CACNA2D1: variants seen among roughly 807,000 people sequenced by gnomAD.
CACNA2D1 encodes the protein voltage-dependent calcium channel subunit alpha-2/delta-1.
Under a neutral mutation model 171.5 loss-of-function variants are expected in CACNA2D1, and 53 were observed. The ratio of observed to expected loss-of-function variants is 0.31; its 90% CI spans 0.25 to 0.39. The LOEUF (loss-of-function observed/expected upper bound fraction) is 0.39. CACNA2D1 is among the 10% of genes least tolerant of loss of function. CACNA2D1 has a pLI of 1.00. For missense variants in CACNA2D1, 903 were observed against 1,299.8 expected (o/e 0.69, Z 4.69); for synonymous variants, 442 against 443.1 (o/e 1.00, Z 0.03).
chr7:81,994,817 A>G lies in CACNA2D1; in HGVS notation c.1734+51T>C. 6.7e-6 allele frequency: 6 copies of G among 899,160 alleles called. No homozygotes were observed. In the South Asian group the frequency reaches 8.3e-5, roughly 12 times the overall value. 55.7% of individuals were successfully genotyped at this position (899,160 alleles called of 1,614,324 possible). A position where few individuals can be genotyped will look rare whatever the true frequency, so the allele number is the denominator to read the frequency against. ...AAAAAAGGACAAGTTACCAATATCA[A>G]TTATTCTTGATATAATTTTTATTTA... On this transcript the variant is annotated intron_variant, in intron 20 of 38. Coordinates refer to ENST00000356860, the MANE Select transcript of CACNA2D1 (RefSeq NM_000722.4).
At chr7:82,282,706 G>C (rs112005700) in intron 3 of CACNA2D1, among the ~76,000 whole-genome samples, 1 of 149,176 alleles carries the variant, frequency 6.7e-6, no homozygotes, top group Non-Finnish European at 1.5e-5. Flanking sequence ...GTAAAATGTG[G>C]GGGGGGGAAT....
At chr7:82,118,550 A>G (rs1430896133) in intron 5 of CACNA2D1, among the ~76,000 whole-genome samples, 1 of 152,150 alleles carries the variant, frequency 6.6e-6, no homozygotes, top group African/African-American at 2.4e-5. Context: ...GGTTTTTCCA[A>G]TAATACAATG....
chr7:82,358,299 C>T (rs1044804041), intron 1 of CACNA2D1, among the ~76,000 whole-genome samples: 11 of 152,104 alleles, frequency 7.2e-5, no homozygotes, highest in African/African-American at 2.2e-4. Flanking sequence ...CATGAAATTT[C>T]GCTAAATATG....
chr7:82,229,117 C>T, intron 3 of CACNA2D1, among the ~76,000 whole-genome samples: 1 of 152,120 alleles, frequency 6.6e-6, no homozygotes, highest in African/African-American at 2.4e-5. Context: ...CTCCACTTTA[C>T]ATAATGAATT....
intron 7 of CACNA2D1, among the ~76,000 whole-genome samples, chr7:82,071,043 A>C (rs1808258807): frequency 6.6e-6 from 1 of 152,200 alleles, no homozygotes; most frequent in South Asian, 2.1e-4. Flanking sequence ...GATGAAAAGA[A>C]CAACAACTAG....
intron 3 of CACNA2D1, among the ~76,000 whole-genome samples, chr7:82,319,283 T>C (rs1189581875): frequency 5.9e-5 from 9 of 152,178 alleles, no homozygotes; most frequent in Non-Finnish European, 1.2e-4. Context: ...TGAGAAATCA[T>C]GAGGATTAAT....
chr7:82,048,335 T>C (rs547562720), intron 10 of CACNA2D1, among the ~76,000 whole-genome samples: 3 of 152,292 alleles, frequency 2.0e-5, no homozygotes, highest in East Asian at 1.9e-4. Context: ...TTTTAAAATA[T>C]ATTTTAAAGT....
intron 3 of CACNA2D1, among the ~76,000 whole-genome samples, chr7:82,202,440 G>T (rs1449944857): frequency 6.6e-6 from 1 of 152,136 alleles, no homozygotes; most frequent in African/African-American, 2.4e-5. Flanking sequence ...AACATTGGTT[G>T]TGGTGGCCGG....
At chr7:82,335,776 G>A (rs1412368235) in intron 2 of CACNA2D1, among the ~76,000 whole-genome samples, 1 of 152,138 alleles carries the variant, frequency 6.6e-6, no homozygotes, top group African/African-American at 2.4e-5. Flanking sequence ...AGAGATGAAG[G>A]TCATTAAGGT....
chr7:82,170,253 A>AT (rs1392317856), intron 4 of CACNA2D1, among the ~76,000 whole-genome samples: 2 of 151,778 alleles, frequency 1.3e-5, no homozygotes, highest in African/African-American at 4.8e-5. Context: ...ATTTAATGCT[A>AT]TTTTTAATGT....
chr7:82,076,204 C>T (rs540860127), intron 7 of CACNA2D1, among the ~76,000 whole-genome samples: 243 of 152,224 alleles, frequency 1.6e-3, no homozygotes, highest in African/African-American at 5.6e-3. Context: ...CCTTCATAAT[C>T]ATGATGAAAT....
intron 3 of CACNA2D1, among the ~76,000 whole-genome samples, chr7:82,192,430 G>C (rs1798396234): frequency 6.7e-6 from 1 of 148,550 alleles, no homozygotes; most frequent in African/African-American, 2.5e-5. Flanking sequence ...ATGTCTATAT[G>C]TCTGTGTGTG....
intron 3 of CACNA2D1, among the ~76,000 whole-genome samples, chr7:82,292,001 G>GCACA (rs148233897): frequency 8.1e-5 from 12 of 148,276 alleles, no homozygotes; most frequent in Middle Eastern, 7.1e-3. Context: ...ACACATGCAC[G>GCACA]CACACACACA....
At chr7:81,982,180 A>G (rs1341241197) in intron 24 of CACNA2D1, among the ~76,000 whole-genome samples, 1 of 151,826 alleles carries the variant, frequency 6.6e-6, no homozygotes, top group African/African-American at 2.4e-5. Context: ...ATGAGGCAAG[A>G]GTGCAGTGGC....
chr7:82,098,012 G>C lies in CACNA2D1; in HGVS notation c.527-13112C>G, dbSNP rs962686338. Among the ~76,000 whole-genome samples the C allele has an allele frequency of 2.6e-5, 4 of 152,252 alleles. No homozygotes were observed. In the East Asian group the frequency reaches 7.7e-4, roughly 29 times the overall value. On this transcript the variant is annotated intron_variant, in intron 6 of 38. Coordinates refer to ENST00000356860, the MANE Select transcript of CACNA2D1 (RefSeq NM_000722.4). ...ATCTATAGTCCCAGCTACTTGGGAG[G>C]CTGAGGCAGGAGAATGACTTGAACC...
chr7:82,148,323 A>AG (rs1174925236), intron 4 of CACNA2D1, among the ~76,000 whole-genome samples: 7 of 150,700 alleles, frequency 4.6e-5, no homozygotes, highest in Non-Finnish European at 7.4e-5. Flanking sequence ...AGGCATAGTT[A>AG]GAAAAAAAAA....
chr7:82,162,693 A>G (rs1017413388), intron 4 of CACNA2D1, among the ~76,000 whole-genome samples: 13 of 151,968 alleles, frequency 8.6e-5, no homozygotes, highest in African/African-American at 3.1e-4. Context: ...ACTTAGAGAC[A>G]TCTTTTCTGA....
intron 1 of CACNA2D1, among the ~76,000 whole-genome samples, chr7:82,360,628 A>G (rs1054280258): frequency 3.3e-5 from 5 of 152,308 alleles, no homozygotes; most frequent in African/African-American, 1.2e-4. Flanking sequence ...GACAGCCCTG[A>G]TATGTTTATG....
At chr7:82,160,380 G>A (rs1321944936) in intron 4 of CACNA2D1, among the ~76,000 whole-genome samples, 1 of 151,562 alleles carries the variant, frequency 6.6e-6, no homozygotes, top group Non-Finnish European at 1.5e-5. Context: ...AGTAATGAAG[G>A]GGCTATCATA....
Sources: gnomAD v4.1 joint callset for allele counts (sites outside exome capture counted in the v4.1 genomes callset) on GRCh38, gnomAD v4.1.1 for gene constraint, MANE v1.5 for transcripts, NCBI Gene and HGNC (gene_info 2026-07-23, HGNC 2026-07-21) for gene names.